CYFIP2: variants seen among roughly 807,000 people sequenced by gnomAD.
CYFIP2 encodes cytoplasmic FMR1 interacting protein 2, also known as cytoplasmic FMR1-interacting protein 2.
Under a neutral mutation model 158.7 loss-of-function variants are expected in CYFIP2, and 29 were observed. That is an observed-to-expected ratio of 0.18 (90% CI 0.14 to 0.25). The LOEUF is 0.25. Among genes scored for constraint, CYFIP2 ranks in the 10% least tolerant of loss-of-function variants. The pLI is 1.00. For synonymous variants in CYFIP2, 585 were observed against 617.6 expected, an observed-to-expected ratio of 0.95 and a Z score of 0.78; for missense variants, 852 against 1,639.5, an observed-to-expected ratio of 0.52 and a Z score of 8.29.
Position 157,383,252 on chromosome 5 carries a change from A to G in CYFIP2, c.3113-13A>G. The G allele has an allele frequency of 6.2e-7, 1 of 1,612,206 alleles. No individual in the cohort carries two copies. Among genetic ancestry groups the G allele is most frequent in the South Asian group, 1.1e-5 (1 of 90,810 alleles). On this transcript the variant is annotated splice_polypyrimidine_tract_variant and intron_variant, in intron 27 of 30. Transcript: ENST00000620254. ...CCTGAGTCTCATTTTCTGCTCTGCGACTCCTTTTGCAGAGGGGGAGCGCCT... is the reference window on the plus strand; with the variant it reads ...CCTGAGTCTCATTTTCTGCTCTGCGGCTCCTTTTGCAGAGGGGGAGCGCCT...
intron 4 of CYFIP2, 118 bp from the exon 5 acceptor site, chr5:157,296,555 C>G: frequency 1.1e-6 from 1 of 906,844 alleles, no homozygotes; most frequent in Non-Finnish European, 1.8e-6. Context: ...GATCATGCCA[C>G]TGCACTCTAG....
intron 1 of CYFIP2, among the ~76,000 whole-genome samples, chr5:157,278,711 G>A (rs1373970883): frequency 6.6e-6 from 1 of 152,174 alleles, no homozygotes; most frequent in African/African-American, 2.4e-5. Flanking sequence ...AATTGTTGGA[G>A]TATTTAATTC....
intron 1 of CYFIP2, among the ~76,000 whole-genome samples, chr5:157,271,199 A>G (rs1398966350): frequency 1.3e-5 from 2 of 152,198 alleles, no homozygotes; most frequent in Non-Finnish European, 2.9e-5. Flanking sequence ...CAAAGGCACA[A>G]AGGAAGAGTA....
At chr5:157,306,339 C>G (rs2113906909) in intron 8 of CYFIP2, among the ~76,000 whole-genome samples, 1 of 152,304 alleles carries the variant, frequency 6.6e-6, no homozygotes, top group Non-Finnish European at 1.5e-5. Context: ...GGTGCTTTGC[C>G]TGGGTGATTG....
At position 157,333,323 on chromosome 5, in the gene CYFIP2, C is replaced by T. The variant is rs753565187; in HGVS notation, c.2266-4C>T. 7.4e-5 allele frequency: 120 copies of T among 1,613,784 alleles called. 1 individual carries two copies. Among genetic ancestry groups the T allele is most frequent in the Middle Eastern group, 1.6e-4 (1 of 6,082 alleles). On this transcript the variant is annotated splice_polypyrimidine_tract_variant and splice_region_variant and intron_variant, in intron 20 of 30. Coordinates refer to ENST00000620254, the MANE Select transcript of CYFIP2 (RefSeq NM_001037333.3). ...GTAACTTTTCTCTCTCTCTCTTCAT[C>T]CAGCTGTTGGGTAGATCAATTGACT...
chr5:157,294,686 C>CCATGGACCCACAG, intron 3 of CYFIP2, 97 bp from the exon 4 acceptor site: 3 of 930,608 alleles, frequency 3.2e-6, no homozygotes, highest in Non-Finnish European at 5.1e-6. Context: ...TGCTGTGGGT[C>CCATGGACCCACAG]CATGGACCAT....
chr5:157,308,238 C>T (rs563649358), intron 9 of CYFIP2, among the ~76,000 whole-genome samples: 1 of 151,942 alleles, frequency 6.6e-6, no homozygotes, highest in Admixed American at 6.5e-5. Context: ...CTCTAATTTC[C>T]AGTATAAATC....
chr5:157,395,141 A>G lies in CYFIP2; in HGVS notation c.*2141A>G, dbSNP rs140263633. 637 of 180,798 alleles carry G rather than the reference A, an allele frequency of 3.5e-3. 3 individuals carry two copies. The highest frequency in any genetic ancestry group is 0.014 in the African/African-American group (604 of 41,702). 11.2% of individuals were successfully genotyped at this position (180,798 alleles called of 1,614,324 possible). ...TGGGCCGAGTCACATTACCTTCAGG[A>G]GACTTGATCCCAGTAGACTGAGGTC... On this transcript the variant is annotated 3_prime_UTR_variant, in exon 31 of 31. Transcript: ENST00000620254.
intron 24 of CYFIP2, among the ~76,000 whole-genome samples, chr5:157,359,707 C>G (rs1317829690): frequency 6.6e-6 from 1 of 152,184 alleles, no homozygotes; most frequent in Admixed American, 6.5e-5. Context: ...TGCAACACTG[C>G]TGAAGGCCAA....
intron 1 of CYFIP2, among the ~76,000 whole-genome samples, chr5:157,269,976 T>C (rs1755948167): frequency 6.6e-6 from 1 of 152,262 alleles, no homozygotes; most frequent in South Asian, 2.1e-4. Flanking sequence ...ACTTGGGCCC[T>C]GGCAACAGAG....
At chr5:157,310,289 TC>T (rs1286676380) in intron 10 of CYFIP2, among the ~76,000 whole-genome samples, 3 of 152,180 alleles carry the variant, frequency 2.0e-5, no homozygotes, top group African/African-American at 7.2e-5. Context: ...TTCTGGGTCA[TC>T]TATGCAAAGG....
At chr5:157,374,229 G>A (rs1337740654) in intron 26 of CYFIP2, among the ~76,000 whole-genome samples, 1 of 152,170 alleles carries the variant, frequency 6.6e-6, no homozygotes, top group African/African-American at 2.4e-5. Context: ...GTTGATGTAT[G>A]AGGTGACCCC....
intron 17 of CYFIP2, chr5:157,325,915 T>G: frequency 1.8e-6 from 1 of 542,610 alleles, no homozygotes; most frequent in East Asian, 3.0e-5. Flanking sequence ...GCTTGTATTC[T>G]TAACTGCTAC....
At position 157,376,642 on chromosome 5, in the gene CYFIP2, C is replaced by T. The variant is rs1765506351; in HGVS notation, c.3040-5948C>T. ...TGGAAATGTTCAGAATTTATGTATT[C>T]CCTTGAACTCAAGGAGCACTTTGTG... On this transcript the variant is annotated intron_variant, in intron 26 of 30. Transcript: ENST00000620254. 3.1e-5 allele frequency: 6 copies of T among 190,570 alleles called. No homozygotes were observed. The South Asian group carries it at 4.9e-4, about 16-fold the overall frequency. The allele number at this position is 190,570 out of a possible 1,614,324, so 11.8% of individuals were successfully genotyped here. A position where few individuals can be genotyped will look rare whatever the true frequency, so the allele number is the denominator to read the frequency against.
Position 157,393,206 on chromosome 5 carries a change from TGA to T in CYFIP2, c.*207_*208del, listed in dbSNP as rs1767487098. The T allele has an allele frequency of 3.0e-5, 9 of 304,662 alleles. No homozygotes were observed. The highest frequency in any genetic ancestry group is 9.0e-5 in the East Asian group (2 of 22,102). 18.9% of individuals were successfully genotyped at this position (304,662 alleles called of 1,614,324 possible). A position where few individuals can be genotyped will look rare whatever the true frequency, so the allele number is the denominator to read the frequency against. ...CATGCTGGTTTCTCCATAGCATAAA[TGA>T]AAAAAAAAAAAAAAAAGTAAACAGG... On this transcript the variant is annotated 3_prime_UTR_variant, in exon 31 of 31. Coordinates refer to ENST00000620254, the MANE Select transcript of CYFIP2 (RefSeq NM_001037333.3).
intron 3 of CYFIP2, among the ~76,000 whole-genome samples, chr5:157,292,486 T>C (rs1561696720): frequency 6.6e-6 from 1 of 152,246 alleles, no homozygotes; most frequent in African/African-American, 2.4e-5. Context: ...CCCAAAGTGC[T>C]GGGATTACAG....
At chr5:157,333,071 C>CT (rs1761598271) in intron 20 of CYFIP2, among the ~76,000 whole-genome samples, 1 of 152,170 alleles carries the variant, frequency 6.6e-6, no homozygotes, top group African/African-American at 2.4e-5. Context: ...AGCTAGAGAG[C>CT]TTCCCGCCAG....
chr5:157,266,722 C>T lies in CYFIP2; in HGVS notation c.-24+527C>T, dbSNP rs1298601077. The T allele has an allele frequency of 1.3e-5, 2 of 152,374 alleles. No homozygotes were observed. Among genetic ancestry groups the T allele is most frequent in the Non-Finnish European group, 2.9e-5 (2 of 68,222 alleles). The allele number at this position is 152,374 out of a possible 1,614,324, so 9.4% of individuals were successfully genotyped here. On this transcript the variant is annotated intron_variant, in intron 1 of 30. Coordinates refer to ENST00000620254, the MANE Select transcript of CYFIP2 (RefSeq NM_001037333.3). The surrounding 1 kb of genome is among the most constrained non-coding windows in gnomAD (Gnocchi z 4.2). ...GTGATGGGTGGGGCGAGGGGCGCAG[C>T]GTCGATGTTTGGGGGCGGAGGGCTT...
intron 21 of CYFIP2, among the ~76,000 whole-genome samples, chr5:157,333,865 AG>A (rs1761665336): frequency 6.6e-6 from 1 of 152,086 alleles, no homozygotes; most frequent in East Asian, 1.9e-4. Flanking sequence ...TTCTTAAACA[AG>A]GGGGCCCCAC....
Sources: allele counts gnomAD v4.1 joint callset (sites outside exome capture counted in the v4.1 genomes callset), GRCh38; gene constraint gnomAD v4.1.1; non-coding constraint Gnocchi (gnomAD v3.1); transcripts MANE v1.5; gene names NCBI Gene and HGNC (gene_info 2026-07-23, HGNC 2026-07-21).